Variants in SLC24A2 observed in about 807,000 individuals in gnomAD.
SLC24A2 encodes sodium/potassium/calcium exchanger 2.
SLC24A2 carries 36 observed loss-of-function variants against 62.0 expected under a neutral mutation model. The observed-to-expected ratio is 0.58, with a 90% CI of 0.44 to 0.77. The LOEUF (loss-of-function observed/expected upper bound fraction) is 0.77, where lower values mean the gene tolerates loss of function less well. Among genes scored for constraint, SLC24A2 ranks in the 30% least tolerant of loss-of-function variants. The pLI, the probability that SLC24A2 is intolerant of heterozygous loss-of-function variation, is 0.00. For synonymous variants in SLC24A2, 358 were observed against 294.0 expected (o/e 1.22, Z -2.23); for missense variants, 846 against 817.9 (o/e 1.03, Z -0.42).
chr9:20,021,490 AGGAGAACGAGTTCT>A, the SLC24A2 span, among the ~76,000 whole-genome samples: 1 of 152,054 alleles, frequency 6.6e-6, no homozygotes, highest in African/African-American at 2.4e-5. Context: ...CCACAGCACC[AGGAGAACGAGTTCT>A]GGATTTTCTT....
At chr9:20,114,714 G>A in the SLC24A2 span, among the ~76,000 whole-genome samples, 301 of 152,130 alleles carry the variant, frequency 2.0e-3, 1 homozygote, top group South Asian at 0.011. Flanking sequence ...CAACCAGTGG[G>A]GTCACGCCCT....
chr9:20,249,840 G>C, the SLC24A2 span, among the ~76,000 whole-genome samples: 79,469 of 151,956 alleles, frequency 0.52, 23,660 homozygotes, highest in East Asian at 0.81. Context: ...AGCAGCTGAG[G>C]TGACTCCCAA....
chr9:19,700,920 A>G (rs373691850), intron 2 of SLC24A2, among the ~76,000 whole-genome samples: 13 of 152,142 alleles, frequency 8.5e-5, no homozygotes, highest in African/African-American at 3.1e-4. Context: ...ACATTTCAAG[A>G]CTCCAAAGGT....
At chr9:19,817,313 G>A in the SLC24A2 span, among the ~76,000 whole-genome samples, 1 of 151,674 alleles carries the variant, frequency 6.6e-6, no homozygotes, top group South Asian at 2.1e-4. Context: ...ATTTCATACT[G>A]TATCATGAGT....
intron 8 of SLC24A2, among the ~76,000 whole-genome samples, chr9:19,542,028 C>T (rs1834290292): frequency 6.6e-6 from 1 of 152,220 alleles, no homozygotes; most frequent in South Asian, 2.1e-4. Flanking sequence ...GACCCTTGCG[C>T]TTCCCAGGTG....
chr9:19,934,725 C>G, the SLC24A2 span, among the ~76,000 whole-genome samples: 1 of 152,214 alleles, frequency 6.6e-6, no homozygotes, highest in Admixed American at 6.5e-5. This position sits in a 1 kb window ranked among gnomAD's most constrained non-coding sequence, Gnocchi z 4.1. Context: ...CTACGCTTCC[C>G]GGAGAGTTGT....
chr9:19,690,916 T>TGAGAGAGAGAGA (rs879313636), intron 2 of SLC24A2, among the ~76,000 whole-genome samples: 7 of 124,924 alleles, frequency 5.6e-5, no homozygotes, highest in Non-Finnish European at 1.1e-4. Flanking sequence ...TGTGTGTGCG[T>TGAGAGAGAGAGA]GTGAGAGAGA....
At chr9:20,215,918 T>A in the SLC24A2 span, among the ~76,000 whole-genome samples, 1 of 152,146 alleles carries the variant, frequency 6.6e-6, no homozygotes, top group Non-Finnish European at 1.5e-5. Flanking sequence ...TTCCCAATCC[T>A]GAGGTCTTAC....
the SLC24A2 span, among the ~76,000 whole-genome samples, chr9:20,117,733 T>C: frequency 6.6e-6 from 1 of 152,118 alleles, no homozygotes; most frequent in African/African-American, 2.4e-5. Context: ...CTATTTCCCC[T>C]TTACAATAGC....
the SLC24A2 span, among the ~76,000 whole-genome samples, chr9:19,809,358 G>A: frequency 2.0e-5 from 3 of 152,098 alleles, no homozygotes; most frequent in Admixed American, 2.0e-4. Flanking sequence ...AAATAAAGAC[G>A]TTAACATGTT....
At chr9:19,881,018 A>T in the SLC24A2 span, among the ~76,000 whole-genome samples, 37 of 152,224 alleles carry the variant, frequency 2.4e-4, no homozygotes, top group African/African-American at 8.2e-4. Context: ...TTTCCTTCTG[A>T]GTTGAGGATC....
chr9:19,767,234 T>C (rs571809527), intron 2 of SLC24A2, among the ~76,000 whole-genome samples: 2 of 152,298 alleles, frequency 1.3e-5, no homozygotes, highest in East Asian at 1.9e-4. Flanking sequence ...CTGGGTTCCA[T>C]GGGTGTGGGA....
chr9:20,093,092 A>T, the SLC24A2 span, among the ~76,000 whole-genome samples: 2 of 149,648 alleles, frequency 1.3e-5, no homozygotes, highest in South Asian at 2.1e-4. Flanking sequence ...TTTTTTTTAG[A>T]CCGAGTTTCG....
chr9:20,127,092 C>G, the SLC24A2 span, among the ~76,000 whole-genome samples: 1 of 151,832 alleles, frequency 6.6e-6, no homozygotes, highest in Non-Finnish European at 1.5e-5. Context: ...AACCCCTCTT[C>G]TCTTCATGTC....
the SLC24A2 span, among the ~76,000 whole-genome samples, chr9:19,856,629 G>A: frequency 6.6e-6 from 1 of 152,138 alleles, no homozygotes; most frequent in Non-Finnish European, 1.5e-5. Flanking sequence ...CACCAGTGGA[G>A]GCTGCAGAAT....
At chr9:20,143,745 T>G in the SLC24A2 span, among the ~76,000 whole-genome samples, 22 of 152,224 alleles carry the variant, frequency 1.4e-4, no homozygotes, top group African/African-American at 4.6e-4. Context: ...AGGTATACAT[T>G]TATAAGTAAA....
At chr9:19,532,509 A>G (rs1173361298) in intron 8 of SLC24A2, among the ~76,000 whole-genome samples, 2 of 152,176 alleles carry the variant, frequency 1.3e-5, no homozygotes, top group Non-Finnish European at 2.9e-5. Flanking sequence ...GTTGTATTAA[A>G]ATTTTTTTCC....
At chr9:20,017,518 GAAA>G in the SLC24A2 span, among the ~76,000 whole-genome samples, 6 of 152,134 alleles carry the variant, frequency 3.9e-5, no homozygotes, top group Non-Finnish European at 8.8e-5. Flanking sequence ...ATGTACATAT[GAAA>G]GGGTGTTTAT....
chr9:19,533,470 A>G (rs1833803602), intron 8 of SLC24A2, among the ~76,000 whole-genome samples: 1 of 152,200 alleles, frequency 6.6e-6, no homozygotes, highest in Non-Finnish European at 1.5e-5. Flanking sequence ...CTTTGACCAA[A>G]AGAATGTATT....
Sources: allele counts gnomAD v4.1 joint callset (sites outside exome capture counted in the v4.1 genomes callset), GRCh38; gene constraint gnomAD v4.1.1; non-coding constraint Gnocchi (gnomAD v3.1); transcripts MANE v1.5; gene names NCBI Gene and HGNC (gene_info 2026-07-23, HGNC 2026-07-21).